Variants in PRKCZ observed in about 807,000 individuals in gnomAD.
PRKCZ encodes the protein protein kinase C zeta.
PRKCZ carries 33 observed loss-of-function variants against 79.5 expected under a neutral mutation model. The observed-to-expected ratio is 0.41, with a 90% CI of 0.31 to 0.55. PRKCZ has a LOEUF of 0.55. Among genes scored for constraint, PRKCZ ranks in the 20% least tolerant of loss-of-function variants. PRKCZ has a pLI of 0.19. For missense variants in PRKCZ, 578 were observed against 813.5 expected, an observed-to-expected ratio of 0.71 and a Z score of 3.52; for synonymous variants, 342 against 320.9, an observed-to-expected ratio of 1.07 and a Z score of -0.70.
At chr1:2,147,097 T>C (rs1315181635) in intron 7 of PRKCZ, among the ~76,000 whole-genome samples, 5 of 151,752 alleles carry the variant, frequency 3.3e-5, no homozygotes, top group African/African-American at 1.2e-4. Context: ...CATCTATCCA[T>C]GTATCTATTG....
chr1:2,106,272 A>G (rs1303447762), intron 4 of PRKCZ, among the ~76,000 whole-genome samples: 1 of 152,244 alleles, frequency 6.6e-6, no homozygotes. Context: ...GCGGCTTGGT[A>G]CTTGAAAAGT....
intron 7 of PRKCZ, among the ~76,000 whole-genome samples, chr1:2,146,725 T>C (rs1678611521): frequency 6.6e-6 from 1 of 152,180 alleles, no homozygotes; most frequent in African/African-American, 2.4e-5. Context: ...GAGTTCTGTC[T>C]CATTGGGAGA....
At chr1:2,063,845 C>CTT (rs551194608) in intron 4 of PRKCZ, among the ~76,000 whole-genome samples, 16 of 124,496 alleles carry the variant, frequency 1.3e-4, no homozygotes, top group African/African-American at 3.6e-4. Flanking sequence ...TTGGCCATTT[C>CTT]TTTTTTTTTT....
At position 2,082,634 on chromosome 1, in the gene PRKCZ, C is replaced by T. The variant is rs1178946928; in HGVS notation, c.334+23043C>T. Among the ~76,000 whole-genome samples the T allele has an allele frequency of 6.6e-6, 1 of 152,142 alleles. No individual in the cohort carries two copies. Among genetic ancestry groups the T allele is most frequent in the Non-Finnish European group, 1.5e-5 (1 of 68,026 alleles). ...TTCAGGCTGCCGAAGTGGAGGGGTT[C>T]AGTGAAGGTGGAGTTGGGCAAGGGC... On this transcript the variant is annotated intron_variant, in intron 4 of 17. Transcript: ENST00000378567. The surrounding 1 kb of genome is among the most constrained non-coding windows in gnomAD (Gnocchi z 4.4).
Position 2,185,145 on chromosome 1 carries a change from A to G in PRKCZ, c.*136A>G. The G allele has an allele frequency of 1.1e-6, 1 of 874,136 alleles. No individual in the cohort carries two copies. The highest frequency in any genetic ancestry group is 1.8e-6 in the Non-Finnish European group (1 of 550,478). The allele number at this position is 874,136 out of a possible 1,614,324, so 54.1% of individuals were successfully genotyped here. On this transcript the variant is annotated 3_prime_UTR_variant, in exon 18 of 18. Coordinates refer to ENST00000378567, the MANE Select transcript of PRKCZ (RefSeq NM_002744.6). ...ACGCTTGCGCCGAGACCGCAGAGGG[A>G]AGCGTCAGCGGGCGCTGCTGGGAGC...
intron 4 of PRKCZ, among the ~76,000 whole-genome samples, chr1:2,131,140 C>T (rs1674874601): frequency 6.6e-6 from 1 of 152,126 alleles, no homozygotes; most frequent in South Asian, 2.1e-4. Flanking sequence ...ACTCATTTTC[C>T]TTTGGTATTT....
At position 2,149,494 on chromosome 1, in the gene PRKCZ, AC is replaced by A. The variant is rs1479076081; in HGVS notation, c.687+571del. Among the ~76,000 whole-genome samples, 1 of 152,034 alleles carries A rather than the reference AC, an allele frequency of 6.6e-6. No individual in the cohort carries two copies. Among genetic ancestry groups the A allele is most frequent in the Non-Finnish European group, 1.5e-5 (1 of 67,998 alleles). On this transcript the variant is annotated intron_variant, in intron 8 of 17. Coordinates refer to ENST00000378567, the MANE Select transcript of PRKCZ (RefSeq NM_002744.6). The surrounding 1 kb of genome is among the most constrained non-coding windows in gnomAD (Gnocchi z 4.1). ...AAGCCCACTCCTTTCCAGAGCACCA[AC>A]AAGTGTCACCCTCACAACTCGTGCT...
At chr1:2,054,605 G>T (rs1659984186) in intron 1 of PRKCZ, among the ~76,000 whole-genome samples, 1 of 151,972 alleles carries the variant, frequency 6.6e-6, no homozygotes, top group Non-Finnish European at 1.5e-5. Flanking sequence ...TTCTGCCGTG[G>T]CTGCAGCAAC....
rs1673646135 is a variant in PRKCZ at position 2,125,263 on chromosome 1, G to A, written c.335-9999G>A. 6.6e-6 allele frequency among the ~76,000 whole-genome samples: 1 copy of A among 152,248 alleles called. No individual in the cohort carries two copies. Among genetic ancestry groups the A allele is most frequent in the African/African-American group, 2.4e-5 (1 of 41,462 alleles). On this transcript the variant is annotated intron_variant, in intron 4 of 17. Transcript: ENST00000378567. This position sits in a 1 kb window ranked among gnomAD's most constrained non-coding sequence, Gnocchi z 4.2. Reference sequence around the variant, plus strand: ...TTTGCAACTGACTGCTTGGAAGTTGGCGTACATCTTTCCACGGAAACTATG... The same window carrying A: ...TTTGCAACTGACTGCTTGGAAGTTGACGTACATCTTTCCACGGAAACTATG...
intron 4 of PRKCZ, among the ~76,000 whole-genome samples, chr1:2,080,780 G>A (rs558947160): frequency 5.3e-5 from 8 of 152,266 alleles, no homozygotes; most frequent in Admixed American, 1.3e-4. Flanking sequence ...GCACTTGGCC[G>A]TCACGTCTCC....
intron 4 of PRKCZ, among the ~76,000 whole-genome samples, chr1:2,108,190 G>T (rs548420924): frequency 6.6e-6 from 1 of 152,256 alleles, no homozygotes; most frequent in Non-Finnish European, 1.5e-5. Flanking sequence ...TCTGGGTGGG[G>T]CCATGATCCT....
At chr1:2,121,490 G>A (rs1360174240) in intron 4 of PRKCZ, among the ~76,000 whole-genome samples, 2 of 53,644 alleles carry the variant, frequency 3.7e-5, no homozygotes, top group African/African-American at 1.1e-4. Flanking sequence ...TTAGGGTCAC[G>A]GTGGTAGTTA....
At chr1:2,067,458 G>A (rs892746187) in intron 4 of PRKCZ, among the ~76,000 whole-genome samples, 2 of 152,200 alleles carry the variant, frequency 1.3e-5, no homozygotes, top group African/African-American at 2.4e-5. Context: ...GATCAGGAGC[G>A]CCTGGTTTTT....
intron 4 of PRKCZ, among the ~76,000 whole-genome samples, chr1:2,077,902 C>T (rs769454554): frequency 5.3e-5 from 8 of 152,212 alleles, no homozygotes; most frequent in Non-Finnish European, 1.5e-5. Flanking sequence ...TGAGTGTTTA[C>T]CTAATTGCGG....
intron 4 of PRKCZ, among the ~76,000 whole-genome samples, chr1:2,118,985 G>T (rs192321364): frequency 2.6e-5 from 4 of 151,904 alleles, no homozygotes; most frequent in African/African-American, 7.3e-5. Context: ...GTCCTTATTT[G>T]TCCGGTCTGT....
intron 4 of PRKCZ, among the ~76,000 whole-genome samples, chr1:2,072,282 A>C (rs1661669102): frequency 6.6e-6 from 1 of 152,248 alleles, no homozygotes. Context: ...GTGAATGCAG[A>C]TAAACACAGG....
chr1:2,160,607 G>T (rs1443882030), intron 10 of PRKCZ, among the ~76,000 whole-genome samples: 1 of 152,188 alleles, frequency 6.6e-6, no homozygotes, highest in African/African-American at 2.4e-5. Flanking sequence ...TCAGTGCAGT[G>T]CTGGTGTTGG....
At chr1:2,139,774 T>A (rs1442205742) in intron 5 of PRKCZ, among the ~76,000 whole-genome samples, 1 of 151,830 alleles carries the variant, frequency 6.6e-6, no homozygotes, top group Non-Finnish European at 1.5e-5. Context: ...CATTCGGAGG[T>A]TTGTGTATGG....
intron 4 of PRKCZ, among the ~76,000 whole-genome samples, chr1:2,062,071 C>T (rs939632539): frequency 2.0e-5 from 3 of 152,190 alleles, no homozygotes; most frequent in Non-Finnish European, 4.4e-5. Flanking sequence ...CTGGTTCAGA[C>T]GGCTGGACGT....
Sources: allele counts gnomAD v4.1 joint callset (sites outside exome capture counted in the v4.1 genomes callset), GRCh38; gene constraint gnomAD v4.1.1; non-coding constraint Gnocchi (gnomAD v3.1); transcripts MANE v1.5; gene names NCBI Gene and HGNC (gene_info 2026-07-23, HGNC 2026-07-21).